IGFBP2: variants seen among roughly 807,000 people sequenced by gnomAD.
The protein encoded by IGFBP2 is insulin-like growth factor-binding protein 2.
In IGFBP2, 12 loss-of-function variants were observed where a neutral mutation model predicts 26.2. The observed-to-expected ratio is 0.46, with a 90% confidence interval of 0.29 to 0.74. IGFBP2 has a LOEUF of 0.74. Ranked by LOEUF, IGFBP2 falls within the 30% of genes least tolerant of loss-of-function variation. The pLI is 0.09. For missense variants in IGFBP2, 328 were observed against 441.2 expected (o/e 0.74, Z 2.30); for synonymous variants, 189 against 200.6 (o/e 0.94, Z 0.49).
chr2:216,655,161 C>T (rs1277233798), intron 1 of IGFBP2, among the ~76,000 whole-genome samples: 2 of 152,226 alleles, frequency 1.3e-5, no homozygotes, highest in Non-Finnish European at 2.9e-5. Context: ...AATTTCCCAC[C>T]TCAGCCTCCC....
intron 1 of IGFBP2, among the ~76,000 whole-genome samples, chr2:216,641,911 C>T (rs1697623384): frequency 6.6e-6 from 1 of 151,032 alleles, no homozygotes; most frequent in Non-Finnish European, 1.5e-5. Flanking sequence ...AGGATGGTCT[C>T]GATCTCCTGA....
intron 1 of IGFBP2, among the ~76,000 whole-genome samples, chr2:216,636,063 T>C (rs1327288749): frequency 6.6e-6 from 1 of 151,956 alleles, no homozygotes; most frequent in Non-Finnish European, 1.5e-5. Flanking sequence ...GGAAGGAGCC[T>C]GAGCTTGCAA....
rs762077349 is a variant in IGFBP2, at chr2:216,661,840, T to G, written c.673-18T>G. On this transcript the variant is annotated intron_variant, in intron 2 of 3. Coordinates refer to ENST00000233809, the MANE Select transcript of IGFBP2 (RefSeq NM_000597.3). ...TGCTGTCCTCACTCCGGGCGTCCCC[T>G]GCTGTCTGTGCGTGCAGACTCCCTG... The G allele has an allele frequency of 2.5e-6, 4 of 1,613,976 alleles. No individual in the cohort carries two copies. The highest frequency in any genetic ancestry group is 8.5e-7 in the Non-Finnish European group (1 of 1,180,006).
chr2:216,658,743 G>A (rs1171268570), intron 1 of IGFBP2, among the ~76,000 whole-genome samples: 1 of 151,838 alleles, frequency 6.6e-6, no homozygotes, highest in Admixed American at 6.6e-5. Flanking sequence ...GCAGAGATGG[G>A]GTTTCACCAT....
intron 1 of IGFBP2, among the ~76,000 whole-genome samples, chr2:216,656,881 A>C (rs1329777077): frequency 4.6e-5 from 7 of 152,192 alleles, no homozygotes; most frequent in African/African-American, 1.7e-4. Flanking sequence ...GCAGACTCCC[A>C]GAGCTCCTGT....
rs1171883251 is a variant in IGFBP2 at position 216,663,874 on chromosome 2, G to A, written c.814-66G>A. Reference sequence around the variant, plus strand: ...AAGGGGTGGCTGCTCAGTGGACGCCGGGTTGAGGGACAGAAGGAAAGTTGC... The same window carrying A: ...AAGGGGTGGCTGCTCAGTGGACGCCAGGTTGAGGGACAGAAGGAAAGTTGC... On this transcript the variant is annotated intron_variant, in intron 3 of 3. Coordinates refer to ENST00000233809, the MANE Select transcript of IGFBP2 (RefSeq NM_000597.3). 5.2e-6 allele frequency: 8 copies of A among 1,544,790 alleles called. No homozygotes were observed. The African/African-American group carries it at 5.4e-5, about 10-fold the overall frequency.
chr2:216,655,996 A>T (rs1022741237), intron 1 of IGFBP2, among the ~76,000 whole-genome samples: 10 of 150,614 alleles, frequency 6.6e-5, no homozygotes, highest in African/African-American at 1.7e-4. Flanking sequence ...CCTAAAAGTT[A>T]TTTTTTTTTT....
At chr2:216,652,251 G>C (rs1574562737) in intron 1 of IGFBP2, among the ~76,000 whole-genome samples, 1 of 146,444 alleles carries the variant, frequency 6.8e-6, no homozygotes, top group African/African-American at 2.6e-5. Context: ...TTGGCTCACT[G>C]CAACCTCCGC....
intron 1 of IGFBP2, among the ~76,000 whole-genome samples, chr2:216,656,352 G>T (rs1008412233): frequency 1.3e-5 from 2 of 152,222 alleles, no homozygotes; most frequent in African/African-American, 2.4e-5. Flanking sequence ...GCAGATGGAA[G>T]GGTAGCGGAG....
intron 1 of IGFBP2, among the ~76,000 whole-genome samples, chr2:216,649,461 A>G (rs896168364): frequency 1.3e-5 from 2 of 152,144 alleles, no homozygotes; most frequent in Non-Finnish European, 2.9e-5. Context: ...TCCCATTCCC[A>G]TAGTCCCTGG....
Position 216,656,604 on chromosome 2 carries a change from A to ATCC in IGFBP2, c.443-3952_443-3951insCCT, listed in dbSNP as rs1697928124. Among the ~76,000 whole-genome samples, 3 of 152,284 alleles carry ATCC rather than the reference A, an allele frequency of 2.0e-5. No homozygotes were observed. In the South Asian group the frequency reaches 6.2e-4, roughly 32 times the overall value. On this transcript the variant is annotated intron_variant, in intron 1 of 3. Transcript: ENST00000233809. ...GGTTTCTGGTGGGTAGAGGCCAGGA[A>ATCC]TGCTGCCCAACATCTGGAGTACACT...
At chr2:216,663,124 C>T (rs1165207136) in intron 3 of IGFBP2, 1 of 152,302 alleles carries the variant, frequency 6.6e-6, no homozygotes, top group African/African-American at 2.4e-5. Flanking sequence ...TTCACCCAGG[C>T]ACCTTGACCC....
chr2:216,637,577 A>G (rs1166061564), intron 1 of IGFBP2, among the ~76,000 whole-genome samples: 1 of 152,244 alleles, frequency 6.6e-6, no homozygotes, highest in Non-Finnish European at 1.5e-5. Flanking sequence ...CCACTTCTTT[A>G]GACAAGATAT....
chr2:216,637,828 G>C (rs1173058473), intron 1 of IGFBP2, among the ~76,000 whole-genome samples: 1 of 152,218 alleles, frequency 6.6e-6, no homozygotes, highest in East Asian at 1.9e-4. Context: ...GCCTACTTCA[G>C]CACTGAGCTT....
Position 216,658,980 on chromosome 2 carries a change from G to A in IGFBP2, c.443-1577G>A, listed in dbSNP as rs762083100. On this transcript the variant is annotated intron_variant, in intron 1 of 3. Coordinates refer to ENST00000233809, the MANE Select transcript of IGFBP2 (RefSeq NM_000597.3). ...GAGAGGGTCTGTGTGGGGAGAACACGTGCAGCTGATATAGAAAATGGCAGA... is the reference window on the plus strand; with the variant it reads ...GAGAGGGTCTGTGTGGGGAGAACACATGCAGCTGATATAGAAAATGGCAGA... Among the ~76,000 whole-genome samples, 6 of 152,218 alleles carry A rather than the reference G, an allele frequency of 3.9e-5. No homozygotes were observed. In the East Asian group the frequency reaches 5.8e-4, roughly 15 times the overall value.
chr2:216,654,217 A>G (rs9341178), intron 1 of IGFBP2, among the ~76,000 whole-genome samples: 14,156 of 152,070 alleles, frequency 0.093, 1,590 homozygotes, highest in African/African-American at 0.27. Flanking sequence ...AACATGTGAT[A>G]ATGCCCTTGT....
chr2:216,634,906 T>TTTTTA (rs371560018), intron 1 of IGFBP2, among the ~76,000 whole-genome samples: 3,780 of 128,502 alleles, frequency 0.029, 241 homozygotes, highest in African/African-American at 0.099. Context: ...TTTTTTTTTT[T>TTTTTA]AATTACGAAA....
At chr2:216,661,395 C>T (rs555458021) in intron 2 of IGFBP2, 14 of 296,014 alleles carry the variant, frequency 4.7e-5, no homozygotes, top group Non-Finnish European at 7.2e-5. Context: ...CCAGCCACTG[C>T]GCCTGGCCTG....
chr2:216,664,311 T>G lies in IGFBP2; in HGVS notation c.*207T>G. ...GATGCCACACCTGCTCCTTCTTGCT[T>G]TCCCCGGGGGAGGAAGGGGGTTGTG... is the stretch of plus-strand genomic sequence containing the variant. On this transcript the variant is annotated 3_prime_UTR_variant, in exon 4 of 4. Coordinates refer to ENST00000233809, the MANE Select transcript of IGFBP2 (RefSeq NM_000597.3). This position sits in a 1 kb window ranked among gnomAD's most constrained non-coding sequence, Gnocchi z 4.6. 2.4e-6 allele frequency: 1 copy of G among 421,870 alleles called. No homozygotes were observed. The highest frequency in any genetic ancestry group is 4.2e-6 in the Non-Finnish European group (1 of 239,318). The allele number at this position is 421,870 out of a possible 1,614,324, so 26.1% of individuals were successfully genotyped here.
Sources: allele counts gnomAD v4.1 joint callset (sites outside exome capture counted in the v4.1 genomes callset), GRCh38; gene constraint gnomAD v4.1.1; non-coding constraint Gnocchi (gnomAD v3.1); transcripts MANE v1.5; gene names NCBI Gene and HGNC (gene_info 2026-07-23, HGNC 2026-07-21).